The following LDB2 variants were observed in gnomAD, a reference collection of about 807,000 sequenced individuals.
The protein encoded by LDB2 is LIM domain-binding protein 2.
Under a neutral mutation model 44.3 loss-of-function variants are expected in LDB2, and 12 were observed. That is an observed-to-expected ratio of 0.27 (90% CI 0.17 to 0.44). The LOEUF is 0.44. Ranked by LOEUF, LDB2 falls within the 20% of genes least tolerant of loss-of-function variation. LDB2 has a pLI of 1.00. For synonymous variants in LDB2, 164 were observed against 174.8 expected (o/e 0.94, Z 0.49); for missense variants, 344 against 473.5 (o/e 0.73, Z 2.54).
intron 1 of LDB2, among the ~76,000 whole-genome samples, chr4:16,878,801 A>T (rs963167611): frequency 6.6e-5 from 10 of 152,088 alleles, no homozygotes; most frequent in African/African-American, 2.4e-4. Context: ...CGCATGTCCA[A>T]TTTTTCTAGC....
intron 1 of LDB2, among the ~76,000 whole-genome samples, chr4:16,847,159 A>G (rs1038375967): frequency 6.6e-6 from 1 of 152,220 alleles, no homozygotes; most frequent in Non-Finnish European, 1.5e-5. Flanking sequence ...ACATTTCTAT[A>G]TGTTGTAATA....
At chr4:16,661,375 C>T (rs768094332) in intron 2 of LDB2, among the ~76,000 whole-genome samples, 1 of 152,164 alleles carries the variant, frequency 6.6e-6, no homozygotes, top group Non-Finnish European at 1.5e-5. Flanking sequence ...TACAGAAGTA[C>T]AGAGGGCATA....
At chr4:16,559,098 C>T (rs1740995878) in intron 5 of LDB2, among the ~76,000 whole-genome samples, 1 of 152,198 alleles carries the variant, frequency 6.6e-6, no homozygotes, top group Non-Finnish European at 1.5e-5. Flanking sequence ...CGGTACCAGC[C>T]ACTGCAAAAT....
At chr4:16,814,403 G>GA (rs998089159) in intron 1 of LDB2, among the ~76,000 whole-genome samples, 7 of 151,794 alleles carry the variant, frequency 4.6e-5, no homozygotes, top group African/African-American at 7.3e-5. Context: ...AAGTTCAGAA[G>GA]AAAAAAATGG....
chr4:16,578,932 A>C (rs1475203224), intron 5 of LDB2, among the ~76,000 whole-genome samples: 1 of 152,232 alleles, frequency 6.6e-6, no homozygotes, highest in African/African-American at 2.4e-5. Context: ...TAAGTGAAAT[A>C]AGCCAGGCAC....
intron 5 of LDB2, among the ~76,000 whole-genome samples, chr4:16,559,292 C>A (rs946199089): frequency 2.0e-5 from 3 of 152,122 alleles, no homozygotes; most frequent in Non-Finnish European, 4.4e-5. Flanking sequence ...GAGTCAAGAT[C>A]CATCAGTGTG....
chr4:16,665,597 C>T (rs1742896029), intron 2 of LDB2, among the ~76,000 whole-genome samples: 1 of 152,064 alleles, frequency 6.6e-6, no homozygotes, highest in African/African-American at 2.4e-5. Context: ...TAAATTGAGA[C>T]CTTGTTGGTA....
intron 5 of LDB2, among the ~76,000 whole-genome samples, chr4:16,544,834 G>T (rs1735127430): frequency 6.6e-6 from 1 of 152,196 alleles, no homozygotes. Flanking sequence ...TACAGGAGAA[G>T]TGGAGGCTGG....
intron 2 of LDB2, among the ~76,000 whole-genome samples, chr4:16,681,746 T>C (rs7435155): frequency 6.6e-6 from 1 of 151,648 alleles, no homozygotes; most frequent in East Asian, 2.0e-4. Context: ...CATTTTTTTG[T>C]ATTTTTAGTA....
At chr4:16,898,236 C>T in intron 1 of LDB2, 118 bp downstream of exon 1, 1 of 970,734 alleles carries the variant, frequency 1.0e-6, no homozygotes. Flanking sequence ...CTCATTTCCA[C>T]GTACGTGGTA....
chr4:16,892,973 T>C (rs565001293), intron 1 of LDB2: 1 of 349,716 alleles, frequency 2.9e-6, no homozygotes, highest in African/African-American at 2.2e-5. Context: ...CTATGAATAG[T>C]TAGTTTGCAG....
intron 2 of LDB2, among the ~76,000 whole-genome samples, chr4:16,634,513 C>A (rs954737643): frequency 2.0e-5 from 3 of 152,140 alleles, no homozygotes; most frequent in African/African-American, 7.2e-5. Flanking sequence ...CAAAAGAAGA[C>A]ATTTATGCAG....
chr4:16,637,801 C>A (rs1380431145), intron 2 of LDB2, among the ~76,000 whole-genome samples: 4 of 152,100 alleles, frequency 2.6e-5, no homozygotes, highest in African/African-American at 9.6e-5. Flanking sequence ...TATTAGAGTC[C>A]ACCAAGAGAG....
intron 2 of LDB2, among the ~76,000 whole-genome samples, chr4:16,626,231 A>G (rs1429560667): frequency 1.3e-5 from 2 of 152,230 alleles, no homozygotes; most frequent in Non-Finnish European, 2.9e-5. Context: ...CCTCATTTTA[A>G]TTAGACATCC....
intron 2 of LDB2, among the ~76,000 whole-genome samples, chr4:16,656,526 T>G (rs1739903862): frequency 6.6e-6 from 1 of 152,260 alleles, no homozygotes; most frequent in East Asian, 1.9e-4. Flanking sequence ...TTAGTTCATT[T>G]TAACTCTTGT....
chr4:16,562,230 A>C (rs1028939668), intron 5 of LDB2, among the ~76,000 whole-genome samples: 1 of 152,216 alleles, frequency 6.6e-6, no homozygotes, highest in African/African-American at 2.4e-5. Context: ...GGATCTAATT[A>C]AACTAAAGGG....
At chr4:16,638,669 T>C (rs1438052552) in intron 2 of LDB2, among the ~76,000 whole-genome samples, 1 of 152,236 alleles carries the variant, frequency 6.6e-6, no homozygotes, top group African/African-American at 2.4e-5. Flanking sequence ...TCTCCTTTCA[T>C]TGATGTATTC....
intron 2 of LDB2, among the ~76,000 whole-genome samples, chr4:16,694,952 AAAC>A (rs1751750471): frequency 6.6e-6 from 1 of 152,320 alleles, no homozygotes; most frequent in Admixed American, 6.5e-5. Context: ...TTTGCCAGGG[AAAC>A]AACAACTCTT....
At chr4:16,758,376 T>C (rs1366506510) in intron 2 of LDB2, among the ~76,000 whole-genome samples, 3 of 152,242 alleles carry the variant, frequency 2.0e-5, no homozygotes, top group Non-Finnish European at 4.4e-5. Context: ...ACAGTGGGGA[T>C]GTTTTTCCTC....
Sources: gnomAD v4.1 joint callset for allele counts (sites outside exome capture counted in the v4.1 genomes callset) on GRCh38, gnomAD v4.1.1 for gene constraint, MANE v1.5 for transcripts, NCBI Gene and HGNC (gene_info 2026-07-23, HGNC 2026-07-21) for gene names.